The following CELF2 variants were observed in gnomAD, a reference collection of about 807,000 sequenced individuals.
The protein encoded by CELF2 is CUGBP Elav-like family member 2, also known as CUG triplet repeat RNA-binding protein 2.
A neutral mutation model predicts 62.6 loss-of-function variants in CELF2; 8 were observed. The ratio of observed to expected loss-of-function variants is 0.13; its 90% CI spans 0.07 to 0.23. The LOEUF is 0.23. Ranked by LOEUF, CELF2 falls within the 10% of genes least tolerant of loss-of-function variation. The pLI, the probability that CELF2 is intolerant of heterozygous loss-of-function variation, is 1.00. For missense variants in CELF2, 333 were observed against 671.0 expected, an observed-to-expected ratio of 0.50 and a Z score of 5.56; for synonymous variants, 258 against 250.0, an observed-to-expected ratio of 1.03 and a Z score of -0.30.
At chr10:10,985,978 A>G (rs1351319861) in intron 2 of CELF2, among the ~76,000 whole-genome samples, 1 of 152,218 alleles carries the variant, frequency 6.6e-6, no homozygotes, top group African/African-American at 2.4e-5. Flanking sequence ...TACTGTATAG[A>G]AATGCCGGTT....
chr10:11,091,204 C>T (rs2048229898), intron 1 of CELF2, among the ~76,000 whole-genome samples: 1 of 152,142 alleles, frequency 6.6e-6, no homozygotes, highest in African/African-American at 2.4e-5. Flanking sequence ...TCCTCCCAGT[C>T]CCCGACAAAC....
the CELF2 span, among the ~76,000 whole-genome samples, chr10:10,700,394 A>G: frequency 2.0e-4 from 30 of 152,340 alleles, no homozygotes; most frequent in African/African-American, 7.2e-4. Context: ...CCATACCAAA[A>G]TACAACAGAT....
chr10:10,635,499 T>TAAC, the CELF2 span, among the ~76,000 whole-genome samples: 2 of 152,330 alleles, frequency 1.3e-5, no homozygotes, highest in African/African-American at 4.8e-5. Context: ...TTTATGACTT[T>TAAC]AACTCTAGAT....
At chr10:10,968,371 G>A (rs1487894395) in intron 2 of CELF2, among the ~76,000 whole-genome samples, 2 of 152,140 alleles carry the variant, frequency 1.3e-5, no homozygotes, top group Non-Finnish European at 2.9e-5. Flanking sequence ...TAGAATACCA[G>A]CTGCCACCTA....
At chr10:10,595,432 C>G in the CELF2 span, among the ~76,000 whole-genome samples, 1 of 152,118 alleles carries the variant, frequency 6.6e-6, no homozygotes, top group South Asian at 2.1e-4. Flanking sequence ...TTGATAAGGA[C>G]ATACTGAAAG....
chr10:10,634,265 T>C, the CELF2 span, among the ~76,000 whole-genome samples: 1 of 152,200 alleles, frequency 6.6e-6, no homozygotes, highest in Non-Finnish European at 1.5e-5. Flanking sequence ...ATATATATTA[T>C]GCATATATCT....
intron 1 of CELF2, among the ~76,000 whole-genome samples, chr10:11,038,321 AAG>A (rs1156985017): frequency 6.6e-6 from 1 of 152,132 alleles, no homozygotes; most frequent in African/African-American, 2.4e-5. Context: ...CTATATTCCT[AAG>A]AGAAAAAATG....
upstream of CELF2, among the ~76,000 whole-genome samples, chr10:11,013,762 G>A (rs1388713234): frequency 6.6e-6 from 1 of 152,090 alleles, no homozygotes; most frequent in African/African-American, 2.4e-5. This position sits in a 1 kb window ranked among gnomAD's most constrained non-coding sequence, Gnocchi z 4.1. Flanking sequence ...AAGATGGAGG[G>A]AAAATAAGTG....
intron 4 of CELF2, among the ~76,000 whole-genome samples, chr10:11,251,998 G>A (rs549453482): frequency 1.8e-4 from 28 of 152,240 alleles, no homozygotes; most frequent in South Asian, 1.5e-3. Flanking sequence ...TTTGCTTTGC[G>A]GATTGACCTT....
At chr10:10,888,613 A>T (rs139932732) in intron 1 of CELF2, among the ~76,000 whole-genome samples, 29 of 152,306 alleles carry the variant, frequency 1.9e-4, no homozygotes, top group African/African-American at 7.0e-4. Flanking sequence ...GTGTTCCGTG[A>T]GCCTAGGGCT....
At chr10:11,025,239 G>GTGTGTGTGTGTGTATATA (rs61580670) in intron 1 of CELF2, among the ~76,000 whole-genome samples, 2 of 140,998 alleles carry the variant, frequency 1.4e-5, no homozygotes, top group Non-Finnish European at 3.1e-5. Context: ...GTGTGTGTGT[G>GTGTGTGTGTGTGTATATA]TATATGTATG....
intron 1 of CELF2, among the ~76,000 whole-genome samples, chr10:10,835,576 T>A (rs976347856): frequency 2.6e-5 from 4 of 151,942 alleles, no homozygotes; most frequent in Non-Finnish European, 4.4e-5. Flanking sequence ...AGATATGGGG[T>A]TTCACCATGT....
At chr10:10,675,732 T>G in the CELF2 span, among the ~76,000 whole-genome samples, 3 of 152,298 alleles carry the variant, frequency 2.0e-5, no homozygotes, top group East Asian at 3.9e-4. Flanking sequence ...CTCAGCCACC[T>G]CAGGTCCTCC....
intron 9 of CELF2, among the ~76,000 whole-genome samples, chr10:11,294,667 C>T (rs183994303): frequency 4.9e-4 from 75 of 152,190 alleles, no homozygotes; most frequent in Admixed American, 9.8e-4. Context: ...AATCCCAACA[C>T]TTTGGGAGGC....
the CELF2 span, among the ~76,000 whole-genome samples, chr10:10,543,195 G>A: frequency 6.6e-6 from 1 of 152,140 alleles, no homozygotes; most frequent in Non-Finnish European, 1.5e-5. Flanking sequence ...GAGCCAAGGG[G>A]TAGAGAAATG....
the CELF2 span, among the ~76,000 whole-genome samples, chr10:10,785,154 A>C: frequency 6.6e-6 from 1 of 152,230 alleles, no homozygotes; most frequent in East Asian, 1.9e-4. Context: ...CCTCACCTTG[A>C]TTCTTCATGG....
rs1228320291 is a variant in CELF2, at chr10:10,914,186, A to G, written c.54-5778A>G. Among the ~76,000 whole-genome samples the G allele has an allele frequency of 2.0e-5, 3 of 152,182 alleles. No individual in the cohort carries two copies. The South Asian group carries it at 6.2e-4, about 31-fold the overall frequency. ...GGAAAAAAATTAAAGATACAGTTGG[A>G]GAAAAACATTCCAGGTCTTAAAAAT... On this transcript the variant is annotated intron_variant, in intron 1 of 13. Transcript: ENST00000636488.
Position 11,000,010 on chromosome 10 carries a change from A to G in CELF2, c.89+80011A>G, listed in dbSNP as rs559685781. Among the ~76,000 whole-genome samples, 103 of 152,318 alleles carry G rather than the reference A, an allele frequency of 6.8e-4. 1 individual carries two copies. The highest frequency in any genetic ancestry group is 3.9e-3 in the South Asian group (19 of 4,820). ...TTTCCACATAAATATTAAACGCCTA[A>G]CTTATGAATATTCACCTGTGGCCTT... On this transcript the variant is annotated intron_variant, in intron 2 of 13. Coordinates refer to the CELF2 transcript ENST00000636488.
chr10:11,046,980 G>A lies in CELF2; in HGVS notation c.74+28817G>A, dbSNP rs1055190338. Among the ~76,000 whole-genome samples the A allele has an allele frequency of 5.9e-5, 9 of 151,550 alleles. No homozygotes were observed. Among genetic ancestry groups the A allele is most frequent in the South Asian group, 2.1e-4 (1 of 4,812 alleles). The stretch of plus-strand genomic sequence containing the variant: ...TATTGTCAGACCCATTGTTTATTTC[G>A]CTCACATTTTCCTAGGTCTGAGCGC... On this transcript the variant is annotated intron_variant, in intron 1 of 12. Coordinates refer to ENST00000633077, the MANE Select transcript of CELF2 (RefSeq NM_001326342.2). The surrounding 1 kb of genome is among the most constrained non-coding windows in gnomAD (Gnocchi z 4.6).
Sources: gnomAD v4.1 joint callset for allele counts (sites outside exome capture counted in the v4.1 genomes callset) on GRCh38, gnomAD v4.1.1 for gene constraint, Gnocchi (gnomAD v3.1) non-coding constraint, MANE v1.5 for transcripts, NCBI Gene and HGNC (gene_info 2026-07-23, HGNC 2026-07-21) for gene names.